The following PCDH9 variants were observed in gnomAD, a reference collection of about 807,000 sequenced individuals.
The protein encoded by PCDH9 is protocadherin 9, also known as protocadherin-9.
Under a neutral mutation model 70.6 loss-of-function variants are expected in PCDH9, and 24 were observed. The observed-to-expected ratio is 0.34, with a 90% confidence interval of 0.25 to 0.48. PCDH9 has a LOEUF of 0.48. PCDH9 is among the 20% of genes least tolerant of loss of function. The pLI is 0.99. For missense variants in PCDH9, 1,281 were observed against 1,503.6 expected (o/e 0.85, Z 2.45); for synonymous variants, 562 against 558.5 (o/e 1.01, Z -0.09).
chr13:66,616,255 T>C (rs549985370), intron 4 of PCDH9, among the ~76,000 whole-genome samples: 32 of 152,328 alleles, frequency 2.1e-4, no homozygotes, highest in Admixed American at 1.8e-3. Context: ...TGTGTTCTTA[T>C]CTGAGATTCT....
intron 2 of PCDH9, among the ~76,000 whole-genome samples, chr13:66,984,165 C>T (rs1164005299): frequency 3.9e-5 from 6 of 151,948 alleles, no homozygotes; most frequent in Admixed American, 2.6e-4. Flanking sequence ...AAATATTAGA[C>T]TAGGATGGAG....
chr13:66,521,384 C>T (rs950996595), intron 4 of PCDH9, among the ~76,000 whole-genome samples: 5 of 152,090 alleles, frequency 3.3e-5, no homozygotes, highest in African/African-American at 9.7e-5. Context: ...CCACATGATG[C>T]AGAATCTTGC....
At chr13:67,011,207 C>T (rs2084445418) in intron 2 of PCDH9, among the ~76,000 whole-genome samples, 1 of 151,764 alleles carries the variant, frequency 6.6e-6, no homozygotes, top group African/African-American at 2.4e-5. Context: ...TGTCACCCCC[C>T]CAGTACTTAT....
At chr13:66,504,432 A>G (rs1350105317) in intron 4 of PCDH9, among the ~76,000 whole-genome samples, 1 of 152,180 alleles carries the variant, frequency 6.6e-6, no homozygotes, top group Non-Finnish European at 1.5e-5. Context: ...TGAGGTCATC[A>G]TAGTCCCCAA....
At chr13:67,018,114 T>C (rs1423696555) in intron 2 of PCDH9, among the ~76,000 whole-genome samples, 1 of 152,182 alleles carries the variant, frequency 6.6e-6, no homozygotes, top group Non-Finnish European at 1.5e-5. Context: ...TTGGACACTA[T>C]CTTGTAATAG....
chr13:67,148,319 G>A (rs1273410699), intron 2 of PCDH9, among the ~76,000 whole-genome samples: 1 of 151,656 alleles, frequency 6.6e-6, no homozygotes, highest in Non-Finnish European at 1.5e-5. Context: ...TTCTTTGTGT[G>A]AAGCAGCTTT....
intron 4 of PCDH9, among the ~76,000 whole-genome samples, chr13:66,483,636 G>A (rs764074135): frequency 3.9e-5 from 6 of 152,170 alleles, no homozygotes; most frequent in Non-Finnish European, 8.8e-5. Context: ...ATGGCAGCAC[G>A]GTGTTATTGA....
At chr13:66,523,002 A>AT (rs1286555848) in intron 4 of PCDH9, among the ~76,000 whole-genome samples, 1 of 152,116 alleles carries the variant, frequency 6.6e-6, no homozygotes, top group Non-Finnish European at 1.5e-5. Flanking sequence ...CTGGACTGAA[A>AT]TTACAGTCTC....
chr13:66,838,337 T>C (rs973104576), intron 3 of PCDH9, among the ~76,000 whole-genome samples: 11 of 152,050 alleles, frequency 7.2e-5, no homozygotes, highest in African/African-American at 2.7e-4. Flanking sequence ...AGTATTTTTA[T>C]TTCCCTTAAT....
At chr13:67,222,344 GT>G in intron 2 of PCDH9, 1 of 146,006 alleles carries the variant, frequency 6.8e-6, no homozygotes. Context: ...CCAAAAATTT[GT>G]AAGAAATAAT....
chr13:67,036,344 C>A (rs1315762548), intron 2 of PCDH9, among the ~76,000 whole-genome samples: 2 of 152,146 alleles, frequency 1.3e-5, no homozygotes, highest in East Asian at 3.9e-4. Flanking sequence ...ATTCAAATCT[C>A]TATTCCTACA....
intron 3 of PCDH9, among the ~76,000 whole-genome samples, chr13:66,698,955 T>C (rs7997342): frequency 0.33 from 46,783 of 140,696 alleles, 8,215 homozygotes; most frequent in East Asian, 0.51. Flanking sequence ...CACTCTGTCG[T>C]CCAGGCTGGA....
intron 3 of PCDH9, among the ~76,000 whole-genome samples, chr13:66,648,113 C>T (rs985909200): frequency 1.3e-5 from 2 of 152,198 alleles, no homozygotes; most frequent in African/African-American, 4.8e-5. Context: ...CTGAATCTGC[C>T]TGGAGCCAAG....
intron 4 of PCDH9, among the ~76,000 whole-genome samples, chr13:66,375,640 C>T (rs1179059586): frequency 1.3e-5 from 2 of 151,980 alleles, no homozygotes; most frequent in Non-Finnish European, 2.9e-5. Context: ...CTAGAAAACA[C>T]TCTAAATTAC....
intron 3 of PCDH9, among the ~76,000 whole-genome samples, chr13:66,634,250 G>C (rs1055722811): frequency 1.3e-5 from 2 of 152,284 alleles, no homozygotes; most frequent in African/African-American, 4.8e-5. Context: ...GGGAGGGAGA[G>C]TGGTGATGTG....
intron 3 of PCDH9, among the ~76,000 whole-genome samples, chr13:66,708,501 A>G (rs914617200): frequency 2.0e-5 from 3 of 151,088 alleles, no homozygotes; most frequent in African/African-American, 7.3e-5. Flanking sequence ...TTTCACAGGC[A>G]TAGTCTTACA....
intron 4 of PCDH9, among the ~76,000 whole-genome samples, chr13:66,588,621 T>C (rs1159002775): frequency 3.3e-5 from 5 of 151,974 alleles, no homozygotes; most frequent in South Asian, 2.1e-4. Context: ...TAATTTTTTT[T>C]CCCTACAATC....
chr13:67,026,275 A>G (rs193005548), intron 2 of PCDH9, among the ~76,000 whole-genome samples: 308 of 152,264 alleles, frequency 2.0e-3, no homozygotes, highest in Non-Finnish European at 2.0e-3. Context: ...TTTTGCATCA[A>G]TGTTCATCAA....
chr13:67,151,288 T>C (rs1358387110), intron 2 of PCDH9, among the ~76,000 whole-genome samples: 1 of 152,188 alleles, frequency 6.6e-6, no homozygotes, highest in African/African-American at 2.4e-5. Flanking sequence ...AACTGATAAG[T>C]AGGGATGGAA....
Sources: allele counts gnomAD v4.1 joint callset (sites outside exome capture counted in the v4.1 genomes callset), GRCh38; gene constraint gnomAD v4.1.1; transcripts MANE v1.5; gene names NCBI Gene and HGNC (gene_info 2026-07-23, HGNC 2026-07-21).